Variants in SLC5A4 observed in about 807,000 individuals in gnomAD.
The protein encoded by SLC5A4 is solute carrier family 5 member 4, also known as probable glucose sensor protein SLC5A4.
SLC5A4 carries 55 observed loss-of-function variants against 70.3 expected under a neutral mutation model. That is an observed-to-expected ratio of 0.78 (90% CI 0.63 to 0.98). The LOEUF is 0.98. SLC5A4 is among the 50% of genes least tolerant of loss of function. The pLI is 0.00. For missense variants in SLC5A4, 735 were observed against 839.2 expected (o/e 0.88, Z 1.53); for synonymous variants, 268 against 305.7 (o/e 0.88, Z 1.29).
At chr22:32,328,268 C>A in the SLC5A4 span, among the ~76,000 whole-genome samples, 2 of 152,148 alleles carry the variant, frequency 1.3e-5, no homozygotes, top group Non-Finnish European at 2.9e-5. Context: ...CTAAGACAGC[C>A]TCCAAAGAAT....
chr22:32,240,022 C>CAATAAAAAA, intron 5 of SLC5A4, among the ~76,000 whole-genome samples: 1 of 74,102 alleles, frequency 1.3e-5, no homozygotes, highest in Non-Finnish European at 2.5e-5. Context: ...GACTCCATCT[C>CAATAAAAAA]AAAAAAAAAA....
At chr22:32,347,134 G>GC in the SLC5A4 span, among the ~76,000 whole-genome samples, 1 of 152,206 alleles carries the variant, frequency 6.6e-6, no homozygotes, top group Admixed American at 6.5e-5. Flanking sequence ...TCAGATAAAT[G>GC]CAAATCAAAA....
chr22:32,350,611 T>C, the SLC5A4 span, among the ~76,000 whole-genome samples: 157 of 152,258 alleles, frequency 1.0e-3, no homozygotes, highest in Middle Eastern at 3.4e-3. Flanking sequence ...GGTATTCAAA[T>C]TTTTTCTATA....
At chr22:32,272,292 G>A in the SLC5A4 span, 6 of 812,256 alleles carry the variant, frequency 7.4e-6, no homozygotes, top group Admixed American at 3.5e-5. Context: ...AGTCCTTTAC[G>A]AGAAGGAGCA....
intron 6 of SLC5A4, among the ~76,000 whole-genome samples, chr22:32,238,344 C>T (rs1379381938): frequency 6.6e-6 from 1 of 152,154 alleles, no homozygotes; most frequent in East Asian, 1.9e-4. Context: ...GTCTCTCTGT[C>T]GCTTATTTTA....
intron 5 of SLC5A4, among the ~76,000 whole-genome samples, chr22:32,242,737 A>G (rs1286364525): frequency 6.6e-6 from 1 of 152,148 alleles, no homozygotes; most frequent in Non-Finnish European, 1.5e-5. Context: ...ATAACTGCAT[A>G]TAATAATATT....
chr22:32,347,799 T>C, the SLC5A4 span, among the ~76,000 whole-genome samples: 1 of 151,864 alleles, frequency 6.6e-6, no homozygotes, highest in Non-Finnish European at 1.5e-5. Context: ...GGTACATGTA[T>C]ACACATGTAA....
chr22:32,251,149 CAAAAAAAAA>C (rs1169115054), intron 3 of SLC5A4, among the ~76,000 whole-genome samples: 1,530 of 22,766 alleles, frequency 0.067, 14 homozygotes, highest in South Asian at 0.18. Flanking sequence ...AACAAATAAG[CAAAAAAAAA>C]AAAAAAAAAA....
chr22:32,308,858 G>A, the SLC5A4 span, among the ~76,000 whole-genome samples: 17 of 148,110 alleles, frequency 1.1e-4, no homozygotes, highest in East Asian at 1.9e-4. Context: ...ATGTATGCAT[G>A]TGTGCATGTA....
the SLC5A4 span, among the ~76,000 whole-genome samples, chr22:32,326,235 A>G: frequency 1.3e-5 from 2 of 150,946 alleles, no homozygotes; most frequent in African/African-American, 4.9e-5. Flanking sequence ...CGCTGACTGT[A>G]TGCACGTGGG....
In SLC5A4 at chr22:32,225,718, G is replaced by A. The variant is rs1051690546; in HGVS notation, c.1386C>T (p.Tyr462=). The part of the protein sequence containing the change: ...LIHYTESISS[Y]LGPPIAAVFV... ...AGACAGCTGCAATTGGAGGCCCAAG[G>A]TAGCTAGAAATTGATTCTGTGTAAT... Residue 462 remains tyrosine (Y), a synonymous_variant, in exon 12 of 15, where the codon TAC becomes TAT. Transcript: ENST00000266086. 6.2e-7 allele frequency: 1 copy of A among 1,613,338 alleles called. No individual in the cohort carries two copies. Among genetic ancestry groups the A allele is most frequent in the Non-Finnish European group, 8.5e-7 (1 of 1,179,486 alleles).
the SLC5A4 span, among the ~76,000 whole-genome samples, chr22:32,285,823 GCCT>G: frequency 6.6e-6 from 1 of 151,588 alleles, no homozygotes; most frequent in South Asian, 2.1e-4. Context: ...TGCAAGCTCC[GCCT>G]CCCGGGTTCA....
chr22:32,251,903 G>C, intron 2 of SLC5A4, 29 bp from the exon 3 acceptor site: 1 of 1,506,708 alleles, frequency 6.6e-7, no homozygotes, highest in South Asian at 1.1e-5. Flanking sequence ...GACTAGGGTT[G>C]GAGTTAAAAG....
chr22:32,260,845 G>T, the SLC5A4 span, among the ~76,000 whole-genome samples: 2 of 152,166 alleles, frequency 1.3e-5, no homozygotes, highest in Non-Finnish European at 2.9e-5. Context: ...GGCCAAGGTG[G>T]GTGGATAATC....
the SLC5A4 span, among the ~76,000 whole-genome samples, chr22:32,336,244 A>C: frequency 1.3e-5 from 2 of 152,114 alleles, no homozygotes; most frequent in East Asian, 3.9e-4. Flanking sequence ...GCTGCAGCTC[A>C]GAGGGTGATT....
chr22:32,218,807 C>A, intron 14 of SLC5A4, 82 bp from the exon 15 acceptor site: 1 of 960,418 alleles, frequency 1.0e-6, no homozygotes, highest in Admixed American at 2.4e-5. Context: ...GTACCTATGA[C>A]TGTAAAAAAT....
chr22:32,312,735 T>C, the SLC5A4 span, among the ~76,000 whole-genome samples: 9 of 152,018 alleles, frequency 5.9e-5, no homozygotes, highest in Non-Finnish European at 1.0e-4. Flanking sequence ...GTCCCTGGCA[T>C]CTCTGTAGAA....
rs749520365 is a variant in SLC5A4 at position 32,254,197 on chromosome 22, T to G, written c.152A>C (p.Asn51Thr). Residue 51 changes from asparagine (N) to threonine (T), a missense_variant, in exon 2 of 15, where the codon AAC (asparagine) becomes ACC (threonine). Coordinates refer to ENST00000266086, the MANE Select transcript of SLC5A4 (RefSeq NM_014227.3). The stretch of plus-strand genomic sequence containing the variant: ...GAAGAAGCCTCCTATAGTACCTCGG[T>G]TGGTCTTCAGCATCGCCTGAGCAGA... ...AVGLWAMLKT[N>T]RGTIGGFFLA... 1 of 1,613,948 alleles carries G rather than the reference T, an allele frequency of 6.2e-7. No homozygotes were observed. The highest frequency in any genetic ancestry group is 1.1e-5 in the South Asian group (1 of 91,082).
chr22:32,330,454 GGTGTGT>G, the SLC5A4 span, among the ~76,000 whole-genome samples: 5,093 of 84,474 alleles, frequency 0.06, 408 homozygotes, highest in East Asian at 0.29. Context: ...GAGGCTCTGG[GGTGTGT>G]GTGTGTGTGT....
Sources: gnomAD v4.1 joint callset for allele counts (sites outside exome capture counted in the v4.1 genomes callset) on GRCh38, gnomAD v4.1.1 for gene constraint, MANE v1.5 for transcripts, NCBI Gene and HGNC (gene_info 2026-07-23, HGNC 2026-07-21) for gene names.